Variants in DGKG observed in about 807,000 individuals in gnomAD.
DGKG encodes the protein DAG kinase gamma.
A neutral mutation model predicts 105.3 loss-of-function variants in DGKG; 78 were observed. The observed-to-expected ratio is 0.74, with a 90% CI of 0.62 to 0.89. The LOEUF (loss-of-function observed/expected upper bound fraction) is 0.89. Ranked by LOEUF, DGKG falls within the 40% of genes least tolerant of loss-of-function variation. The pLI is 0.00. For synonymous variants in DGKG, 346 were observed against 367.1 expected (o/e 0.94, Z 0.66); for missense variants, 958 against 1,020.1 (o/e 0.94, Z 0.83).
chr3:186,317,237 C>A (rs755460296), intron 2 of DGKG, among the ~76,000 whole-genome samples: 1 of 152,232 alleles, frequency 6.6e-6, no homozygotes, highest in Non-Finnish European at 1.5e-5. Flanking sequence ...CTCTCTGTGT[C>A]TTCTGCTGAA....
At chr3:186,343,693 G>T (rs1054195447) in intron 1 of DGKG, among the ~76,000 whole-genome samples, 5 of 152,082 alleles carry the variant, frequency 3.3e-5, no homozygotes, top group Non-Finnish European at 7.3e-5. Context: ...ATTTTTAAAT[G>T]ATTTTAAAAT....
intron 3 of DGKG, among the ~76,000 whole-genome samples, chr3:186,303,224 T>A (rs533291404): frequency 3.9e-5 from 6 of 152,176 alleles, no homozygotes; most frequent in African/African-American, 1.4e-4. Context: ...AGGAACAGAG[T>A]AGCTGCTTAG....
In DGKG at chr3:186,265,795, T is replaced by G. The variant is rs561667309; in HGVS notation, c.1210-489A>C. On this transcript the variant is annotated intron_variant, in intron 13 of 24. Coordinates refer to ENST00000265022, the MANE Select transcript of DGKG (RefSeq NM_001346.3). ...CTCCTGTCTCGGCCTCCTTAGTAGC[T>G]GGGACTACAGGTGCGTGCCACCACG... Among the ~76,000 whole-genome samples, 31 of 151,700 alleles carry G rather than the reference T, an allele frequency of 2.0e-4. 1 individual carries two copies. In the South Asian group the frequency reaches 5.8e-3, roughly 29 times the overall value.
intron 22 of DGKG, among the ~76,000 whole-genome samples, chr3:186,186,006 G>A (rs1296603155): frequency 1.3e-5 from 2 of 148,196 alleles, no homozygotes; most frequent in African/African-American, 5.0e-5. Context: ...GCTGAGGCAT[G>A]AGAATCACTT....
At chr3:186,263,345 T>C (rs1429572942) in intron 14 of DGKG, among the ~76,000 whole-genome samples, 12 of 151,532 alleles carry the variant, frequency 7.9e-5, no homozygotes, top group Non-Finnish European at 1.8e-4. Flanking sequence ...GGCAGGCGGA[T>C]CACCTGAGGT....
At position 186,190,699 on chromosome 3, in the gene DGKG, T is replaced by C. The variant is rs146510248; in HGVS notation, c.1918-2320A>G. Among the ~76,000 whole-genome samples, 507 of 152,314 alleles carry C rather than the reference T, an allele frequency of 3.3e-3. 2 individuals carry two copies. Among genetic ancestry groups the C allele is most frequent in the African/African-American group, 0.011 (457 of 41,562 alleles). On this transcript the variant is annotated intron_variant, in intron 21 of 24. Transcript: ENST00000265022. ...AATAACATAGACATAAAACTTTACA[T>C]TTATGTTAATTAATTTCATCTGGCT...
chr3:186,206,257 G>A (rs572515841), intron 21 of DGKG, among the ~76,000 whole-genome samples: 47 of 152,180 alleles, frequency 3.1e-4, no homozygotes, highest in East Asian at 1.4e-3. Context: ...GGTGGTGCAC[G>A]CCTGTAGTCT....
intron 1 of DGKG, among the ~76,000 whole-genome samples, chr3:186,326,397 T>TCAAAAAAAAAAAAAAAAA (rs1560156258): frequency 3.3e-5 from 5 of 149,614 alleles, no homozygotes; most frequent in Admixed American, 1.3e-4. Flanking sequence ...AGACACTGTC[T>TCAAAAAAAAAAAAAAAAA]TAAAAAAAAA....
At chr3:186,278,061 A>G (rs577694970) in intron 9 of DGKG, among the ~76,000 whole-genome samples, 23 of 152,308 alleles carry the variant, frequency 1.5e-4, no homozygotes, top group Non-Finnish European at 3.1e-4. Flanking sequence ...GTTTTCTACA[A>G]GGCTGATCTG....
At chr3:186,346,683 CAGTT>C (rs1355342475) in intron 1 of DGKG, among the ~76,000 whole-genome samples, 7 of 128,520 alleles carry the variant, frequency 5.4e-5, no homozygotes, top group African/African-American at 1.3e-4. Flanking sequence ...ATACTATACT[CAGTT>C]TTATTTGCCT....
intron 3 of DGKG, among the ~76,000 whole-genome samples, chr3:186,303,955 C>A (rs906892044): frequency 9.9e-5 from 15 of 152,250 alleles, no homozygotes; most frequent in Non-Finnish European, 1.9e-4. Context: ...TGTGCCATGA[C>A]ATTACACCTA....
At chr3:186,209,342 T>G (rs1718914765) in intron 21 of DGKG, among the ~76,000 whole-genome samples, 2 of 152,034 alleles carry the variant, frequency 1.3e-5, no homozygotes, top group South Asian at 4.1e-4. Context: ...CCGCTGGTGA[T>G]CCACCCGCCT....
At chr3:186,243,508 G>A (rs532554704) in intron 19 of DGKG, among the ~76,000 whole-genome samples, 1 of 152,316 alleles carries the variant, frequency 6.6e-6, no homozygotes, top group Admixed American at 6.5e-5. Context: ...GCATCTGAAT[G>A]ATGATAGCTC....
intron 17 of DGKG, among the ~76,000 whole-genome samples, chr3:186,255,322 C>G (rs1014419167): frequency 2.0e-5 from 3 of 152,338 alleles, no homozygotes; most frequent in African/African-American, 7.2e-5. Context: ...GTGGGACAGA[C>G]AGATAATAAT....
chr3:186,160,052 T>C (rs1716219825), intron 24 of DGKG: 1 of 402,302 alleles, frequency 2.5e-6, no homozygotes, highest in South Asian at 1.0e-4. Flanking sequence ...AATAAATTTC[T>C]GTTGTTTAAG....
chr3:186,230,995 T>C (rs992625101), intron 20 of DGKG, among the ~76,000 whole-genome samples: 1 of 152,192 alleles, frequency 6.6e-6, no homozygotes, highest in African/African-American at 2.4e-5. Flanking sequence ...CAGTCTTTAA[T>C]ATGTCTCCAG....
intron 3 of DGKG, among the ~76,000 whole-genome samples, chr3:186,302,882 A>G (rs1283354117): frequency 2.0e-5 from 3 of 152,180 alleles, no homozygotes; most frequent in Non-Finnish European, 2.9e-5. Context: ...TCCCCATCCT[A>G]GAGAACAGGA....
rs886723244 is a variant in DGKG at position 186,310,290 on chromosome 3, C to CA, written c.68-3314_68-3313insT. ...CAAAAAAAAAAAAAAAAAAAAAAAA[C>CA]CACACACACACAACAAGAATCCAGG... On this transcript the variant is annotated intron_variant, in intron 2 of 24. Transcript: ENST00000265022. Among the ~76,000 whole-genome samples the CA allele has an allele frequency of 2.7e-4, 19 of 69,838 alleles. 1 individual carries two copies. The highest frequency in any genetic ancestry group is 4.4e-4 in the Admixed American group (3 of 6,888). The allele number at this position is 69,838 out of a possible 152,430, so 45.8% of individuals were successfully genotyped here. A position where few individuals can be genotyped will look rare whatever the true frequency, so the allele number is the denominator to read the frequency against.
chr3:186,208,390 C>T (rs1479337962), intron 21 of DGKG, among the ~76,000 whole-genome samples: 1 of 149,984 alleles, frequency 6.7e-6, no homozygotes, highest in Non-Finnish European at 1.5e-5. Context: ...CTCATTTGAG[C>T]TTTAAGTTTC....
Sources: allele counts gnomAD v4.1 joint callset (sites outside exome capture counted in the v4.1 genomes callset), GRCh38; gene constraint gnomAD v4.1.1; transcripts MANE v1.5; gene names NCBI Gene and HGNC (gene_info 2026-07-23, HGNC 2026-07-21).